DENND1B: variants seen among roughly 807,000 people sequenced by gnomAD.
The protein encoded by DENND1B is DENN domain-containing protein 1B.
A neutral mutation model predicts 90.1 loss-of-function variants in DENND1B; 59 were observed. That is an observed-to-expected ratio of 0.65 (90% CI 0.53 to 0.81). DENND1B has a LOEUF of 0.81. Ranked by LOEUF, DENND1B falls within the 40% of genes least tolerant of loss-of-function variation. The probability of loss-of-function intolerance (pLI) is 0.00; values close to 1 mark genes in which losing one functional copy is unlikely to be tolerated. For missense variants in DENND1B, 862 were observed against 912.6 expected, an observed-to-expected ratio of 0.94 and a Z score of 0.71; for synonymous variants, 337 against 324.6, an observed-to-expected ratio of 1.04 and a Z score of -0.41.
intron 10 of DENND1B, among the ~76,000 whole-genome samples, chr1:197,635,528 G>A (rs1018380740): frequency 2.6e-5 from 4 of 151,454 alleles, no homozygotes; most frequent in Non-Finnish European, 5.9e-5. Flanking sequence ...TGTAGAGACA[G>A]GGTCTCACTA....
chr1:197,720,553 T>C (rs1255751392), intron 2 of DENND1B, among the ~76,000 whole-genome samples: 2 of 131,180 alleles, frequency 1.5e-5, no homozygotes, highest in Non-Finnish European at 3.2e-5. Context: ...ACCATAATTT[T>C]ATATTCAGCC....
At chr1:197,615,845 T>C (rs1048231092) in intron 11 of DENND1B, among the ~76,000 whole-genome samples, 5 of 150,966 alleles carry the variant, frequency 3.3e-5, no homozygotes, top group African/African-American at 1.2e-4. Flanking sequence ...GTTTTTGGCA[T>C]GCAAGCTCTT....
chr1:197,758,773 A>C (rs1315650061), intron 2 of DENND1B, among the ~76,000 whole-genome samples: 1 of 152,118 alleles, frequency 6.6e-6, no homozygotes, highest in Non-Finnish European at 1.5e-5. Context: ...GTTCACCTTG[A>C]AACAGAGATT....
chr1:197,657,109 T>C (rs1453909996), intron 6 of DENND1B, among the ~76,000 whole-genome samples: 1 of 152,110 alleles, frequency 6.6e-6, no homozygotes, highest in Non-Finnish European at 1.5e-5. Context: ...CAAACAATAC[T>C]ATCAAAAGAA....
chr1:197,633,282 GGTACAAACAGAGGCTGA>G (rs950440033), intron 10 of DENND1B, among the ~76,000 whole-genome samples: 1 of 152,084 alleles, frequency 6.6e-6, no homozygotes, highest in African/African-American at 2.4e-5. Flanking sequence ...TGTGTAGAAG[GGTACAAACAGAGGCTGA>G]GTATCCAAAG....
chr1:197,567,565 T>C (rs1672784233), intron 15 of DENND1B, among the ~76,000 whole-genome samples: 1 of 152,102 alleles, frequency 6.6e-6, no homozygotes, highest in Admixed American at 6.6e-5. Flanking sequence ...CAATGTCCCT[T>C]AAACATAGAT....
chr1:197,654,507 G>C (rs539636844), intron 6 of DENND1B, among the ~76,000 whole-genome samples: 1 of 152,028 alleles, frequency 6.6e-6, no homozygotes, highest in Non-Finnish European at 1.5e-5. Flanking sequence ...CTACTTGGGA[G>C]AGTGAGGCAG....
chr1:197,682,686 G>C (rs1656815926), intron 3 of DENND1B, among the ~76,000 whole-genome samples: 1 of 152,122 alleles, frequency 6.6e-6, no homozygotes, highest in Admixed American at 6.6e-5. Context: ...GAGCGAATAA[G>C]AAGTTGGCCA....
At chr1:197,545,086 T>C (rs1304714644) in intron 18 of DENND1B, among the ~76,000 whole-genome samples, 1 of 110,160 alleles carries the variant, frequency 9.1e-6, no homozygotes, top group African/African-American at 3.4e-5. Context: ...AAGAAAAATC[T>C]TGGAATGTTT....
intron 3 of DENND1B, among the ~76,000 whole-genome samples, chr1:197,675,726 C>T (rs2125989947): frequency 6.6e-6 from 1 of 152,260 alleles, no homozygotes; most frequent in East Asian, 1.9e-4. Flanking sequence ...ACCATTTTTA[C>T]TATACATGTG....
chr1:197,590,719 C>T (rs900404564), intron 14 of DENND1B, among the ~76,000 whole-genome samples: 2 of 152,112 alleles, frequency 1.3e-5, no homozygotes, highest in Admixed American at 1.3e-4. Context: ...TGCAAATCAT[C>T]CTAGTGGGTA....
intron 16 of DENND1B, chr1:197,552,108 T>C (rs957120615): frequency 3.5e-6 from 2 of 573,136 alleles, no homozygotes; most frequent in Non-Finnish European, 4.4e-6. Flanking sequence ...TGAGTACTTA[T>C]TACGTTTTGT....
At chr1:197,605,252 T>A (rs532239386) in intron 13 of DENND1B, among the ~76,000 whole-genome samples, 64 of 151,188 alleles carry the variant, frequency 4.2e-4, no homozygotes, top group Admixed American at 1.7e-3. Flanking sequence ...TCTCCATATA[T>A]TTAAATACTT....
intron 2 of DENND1B, among the ~76,000 whole-genome samples, chr1:197,716,374 G>A (rs1033687674): frequency 1.3e-5 from 2 of 151,138 alleles, no homozygotes; most frequent in African/African-American, 4.8e-5. Flanking sequence ...TCTTATATAA[G>A]AATAATACAT....
intron 2 of DENND1B, among the ~76,000 whole-genome samples, chr1:197,739,265 T>C (rs1029086960): frequency 9.8e-5 from 15 of 152,326 alleles, no homozygotes; most frequent in African/African-American, 3.6e-4. Context: ...TGACTCTGGT[T>C]TCACCTACCA....
rs891163584 is a variant in DENND1B at position 197,702,304 on chromosome 1, T to C, written c.126+12727A>G. 5.3e-5 allele frequency among the ~76,000 whole-genome samples: 8 copies of C among 152,322 alleles called. No individual in the cohort carries two copies. The South Asian group carries it at 1.7e-3, about 32-fold the overall frequency. On this transcript the variant is annotated intron_variant, in intron 3 of 22. Transcript: ENST00000620048. The stretch of plus-strand genomic sequence containing the variant: ...ATAAAAATAGCCATGTCTTCTCTGA[T>C]TTAATAATGTTAAGGACAGAGCAAG...
intron 7 of DENND1B, among the ~76,000 whole-genome samples, chr1:197,649,548 A>G (rs932851631): frequency 3.3e-5 from 5 of 152,124 alleles, no homozygotes; most frequent in African/African-American, 1.2e-4. Context: ...AGAATAGAGA[A>G]CCCAGAAATA....
intron 10 of DENND1B, among the ~76,000 whole-genome samples, chr1:197,629,004 C>A (rs544566146): frequency 0.13 from 19,026 of 151,046 alleles, 1,671 homozygotes; most frequent in Middle Eastern, 0.26. Context: ...TTAGAATGAA[C>A]ATCATTAAAA....
At chr1:197,626,394 A>G (rs964636492) in intron 10 of DENND1B, among the ~76,000 whole-genome samples, 3 of 152,206 alleles carry the variant, frequency 2.0e-5, no homozygotes, top group Admixed American at 6.5e-5. Context: ...AACTACATGG[A>G]AACTGAACAA....
Sources: allele counts gnomAD v4.1 joint callset (sites outside exome capture counted in the v4.1 genomes callset), GRCh38; gene constraint gnomAD v4.1.1; transcripts MANE v1.5; gene names NCBI Gene and HGNC (gene_info 2026-07-23, HGNC 2026-07-21).